NAALADL2: variants seen among roughly 807,000 people sequenced by gnomAD.
NAALADL2 encodes inactive N-acetylated-alpha-linked acidic dipeptidase-like protein 2.
In NAALADL2, 76 loss-of-function variants were observed where a neutral mutation model predicts 87.2. The observed-to-expected ratio is 0.87, with a 90% confidence interval of 0.72 to 1.05. The LOEUF (loss-of-function observed/expected upper bound fraction) is 1.05, where lower values mean the gene tolerates loss of function less well. NAALADL2 is among the 50% of genes least tolerant of loss of function. NAALADL2 has a pLI of 0.00. For missense variants in NAALADL2, 1,089 were observed against 945.8 expected (o/e 1.15, Z -1.99); for synonymous variants, 354 against 331.0 (o/e 1.07, Z -0.75).
intron 3 of NAALADL2, among the ~76,000 whole-genome samples, chr3:174,752,162 A>G (rs1341844143): frequency 6.6e-6 from 1 of 151,858 alleles, no homozygotes; most frequent in Non-Finnish European, 1.5e-5. Context: ...TTTTCAGTAG[A>G]GACAGGGTTT....
intron 11 of NAALADL2, among the ~76,000 whole-genome samples, chr3:175,637,872 T>C (rs929697303): frequency 1.3e-5 from 2 of 152,234 alleles, no homozygotes; most frequent in African/African-American, 4.8e-5. Context: ...ATGGATTTTA[T>C]GGACCTTGGA....
intron 9 of NAALADL2, among the ~76,000 whole-genome samples, chr3:175,521,227 G>A (rs918894447): frequency 2.6e-5 from 4 of 151,682 alleles, no homozygotes; most frequent in Non-Finnish European, 5.9e-5. Flanking sequence ...AATATTTAAA[G>A]TGAATATGAT....
chr3:174,808,784 T>C (rs1358506708), intron 3 of NAALADL2, among the ~76,000 whole-genome samples: 3 of 151,962 alleles, frequency 2.0e-5, no homozygotes, highest in Non-Finnish European at 4.4e-5. Flanking sequence ...TATTTATCCA[T>C]ATTTTCAATT....
chr3:175,113,400 C>A (rs1724536603), intron 2 of NAALADL2, among the ~76,000 whole-genome samples: 2 of 151,522 alleles, frequency 1.3e-5, no homozygotes, highest in Non-Finnish European at 3.0e-5. Context: ...AGATTTTAAT[C>A]AAAATCTCCT....
At chr3:175,054,411 C>G (rs898683171) in intron 1 of NAALADL2, among the ~76,000 whole-genome samples, 1 of 152,172 alleles carries the variant, frequency 6.6e-6, no homozygotes, top group Non-Finnish European at 1.5e-5. Flanking sequence ...CAGGAGAAGG[C>G]AATCCTGGCT....
chr3:174,985,782 G>T (rs1290930773), intron 1 of NAALADL2, among the ~76,000 whole-genome samples: 1 of 151,890 alleles, frequency 6.6e-6, no homozygotes, highest in Non-Finnish European at 1.5e-5. Context: ...GAGAAACCTC[G>T]TCTATACTAA....
At chr3:174,979,295 CTTT>C in intron 1 of NAALADL2, among the ~76,000 whole-genome samples, 1 of 126,784 alleles carries the variant, frequency 7.9e-6, no homozygotes, top group South Asian at 2.4e-4. Flanking sequence ...AATTTTCTTT[CTTT>C]CTTTTCTTTT....
intron 13 of NAALADL2, among the ~76,000 whole-genome samples, chr3:175,764,445 C>T (rs1748418335): frequency 6.6e-6 from 1 of 151,306 alleles, no homozygotes; most frequent in Admixed American, 6.6e-5. Flanking sequence ...TGGAAGATGT[C>T]ACAGCAGGTT....
intron 11 of NAALADL2, among the ~76,000 whole-genome samples, chr3:175,706,259 G>A (rs1486435819): frequency 6.6e-6 from 1 of 151,968 alleles, no homozygotes. Flanking sequence ...CTTATTGATG[G>A]GGAATATCTT....
chr3:175,710,399 C>G (rs947123740), intron 11 of NAALADL2, among the ~76,000 whole-genome samples: 1 of 151,514 alleles, frequency 6.6e-6, no homozygotes, highest in African/African-American at 2.4e-5. Context: ...GAATATTGAA[C>G]GCAAAAAAGG....
intron 4 of NAALADL2, among the ~76,000 whole-genome samples, chr3:175,289,444 C>A (rs1279542075): frequency 6.6e-6 from 1 of 151,862 alleles, no homozygotes; most frequent in African/African-American, 2.4e-5. Context: ...AAAGAGAGAA[C>A]CTTGACCCTG....
chr3:175,630,146 C>T (rs545149855), intron 11 of NAALADL2, among the ~76,000 whole-genome samples: 28 of 151,772 alleles, frequency 1.8e-4, no homozygotes, highest in Non-Finnish European at 3.5e-4. Context: ...TTTACAAGAT[C>T]AGTCTTATTT....
chr3:175,166,695 C>T (rs62283043), intron 2 of NAALADL2, among the ~76,000 whole-genome samples: 57,479 of 151,728 alleles, frequency 0.38, 11,594 homozygotes, highest in East Asian at 0.55. Context: ...GATGTAGCTA[C>T]GTCTTTCTGC....
intron 10 of NAALADL2, among the ~76,000 whole-genome samples, chr3:175,603,105 A>G (rs79333084): frequency 0.063 from 9,654 of 152,224 alleles, 1,012 homozygotes; most frequent in African/African-American, 0.22. Context: ...TAAAATTAAC[A>G]CAATGTCTTT....
chr3:174,857,328 A>G (rs1725963093), upstream of NAALADL2, among the ~76,000 whole-genome samples: 1 of 152,160 alleles, frequency 6.6e-6, no homozygotes, highest in Admixed American at 6.6e-5. Flanking sequence ...CTCAATCAGT[A>G]TTTATGTTAC....
chr3:174,904,186 CTG>C (rs1010433071), intron 1 of NAALADL2, among the ~76,000 whole-genome samples: 2 of 151,716 alleles, frequency 1.3e-5, no homozygotes, highest in African/African-American at 4.8e-5. Context: ...AGGGGCCAAT[CTG>C]TGTCTTACTC....
intron 12 of NAALADL2, among the ~76,000 whole-genome samples, chr3:175,752,608 G>A (rs1332602971): frequency 1.3e-5 from 2 of 152,112 alleles, no homozygotes; most frequent in African/African-American, 2.4e-5. Flanking sequence ...TCATACACTT[G>A]AAGTAATGCA....
At chr3:174,918,300 G>T (rs1230040380) in intron 1 of NAALADL2, among the ~76,000 whole-genome samples, 1 of 151,880 alleles carries the variant, frequency 6.6e-6, no homozygotes, top group Admixed American at 6.6e-5. Flanking sequence ...AATATATTTT[G>T]GAGTCAGTGT....
intron 9 of NAALADL2, among the ~76,000 whole-genome samples, chr3:175,481,054 G>A (rs1482559762): frequency 1.3e-5 from 2 of 151,750 alleles, no homozygotes; most frequent in African/African-American, 2.4e-5. Context: ...AAAGGGAAAT[G>A]CGATCTGTAA....
Sources: gnomAD v4.1 joint callset for allele counts (sites outside exome capture counted in the v4.1 genomes callset) on GRCh38, gnomAD v4.1.1 for gene constraint, MANE v1.5 for transcripts, NCBI Gene and HGNC (gene_info 2026-07-23, HGNC 2026-07-21) for gene names.